The following MROH9 variants were observed in gnomAD, a reference collection of about 807,000 sequenced individuals.
MROH9 encodes the protein maestro heat like repeat family member 9, also known as maestro heat-like repeat-containing protein family member 9.
Under a neutral mutation model 98.2 loss-of-function variants are expected in MROH9, and 92 were observed. The observed-to-expected ratio is 0.94, with a 90% CI of 0.79 to 1.11. The LOEUF (loss-of-function observed/expected upper bound fraction) is 1.11, where lower values mean the gene tolerates loss of function less well. Among genes scored for constraint, MROH9 ranks in the 50% most tolerant of loss-of-function variants. The pLI is 0.00. For missense variants in MROH9, 1,057 were observed against 1,014.8 expected, an observed-to-expected ratio of 1.04 and a Z score of -0.57; for synonymous variants, 397 against 368.9, an observed-to-expected ratio of 1.08 and a Z score of -0.87.
intron 17 of MROH9, among the ~76,000 whole-genome samples, chr1:171,020,188 A>G (rs1379522938): frequency 7.9e-6 from 1 of 126,156 alleles, no homozygotes; most frequent in Non-Finnish European, 1.9e-5. Context: ...TAGACATACA[A>G]AGAGGAGCTG....
At chr1:171,012,499 A>ATTTT (rs372676922) in intron 15 of MROH9, among the ~76,000 whole-genome samples, 16 of 114,206 alleles carry the variant, frequency 1.4e-4, no homozygotes, top group African/African-American at 4.6e-4. Context: ...TAAAACTGTC[A>ATTTT]TTTTTTTTTT....
intron 20 of MROH9, among the ~76,000 whole-genome samples, chr1:171,031,179 T>A (rs951933936): frequency 3.9e-5 from 6 of 152,242 alleles, no homozygotes; most frequent in African/African-American, 1.4e-4. Flanking sequence ...TATGTGTGTC[T>A]TTGCACATTA....
chr1:171,030,785 G>A (rs1652879976), intron 20 of MROH9, among the ~76,000 whole-genome samples: 1 of 152,198 alleles, frequency 6.6e-6, no homozygotes, highest in Non-Finnish European at 1.5e-5. Flanking sequence ...GGAGAGTTCT[G>A]CATATGTCTA....
At chr1:171,040,500 T>C (rs1223220429) in intron 20 of MROH9, among the ~76,000 whole-genome samples, 1 of 152,146 alleles carries the variant, frequency 6.6e-6, no homozygotes, top group African/African-American at 2.4e-5. Flanking sequence ...GCTAGGTATA[T>C]GTATATCAAA....
intron 19 of MROH9, among the ~76,000 whole-genome samples, 157 bp downstream of exon 19, chr1:171,024,922 C>T (rs980496837): frequency 2.6e-5 from 4 of 152,178 alleles, no homozygotes; most frequent in Middle Eastern, 3.4e-3. Flanking sequence ...GAGCTTGAGC[C>T]GAGAGGAATT....
chr1:170,952,461 G>A lies in MROH9; in HGVS notation c.72+4888G>A, dbSNP rs990568624. Among the ~76,000 whole-genome samples the A allele has an allele frequency of 8.7e-4, 132 of 152,120 alleles. 1 individual carries two copies. The highest frequency in any genetic ancestry group is 3.0e-3 in the African/African-American group (123 of 41,522). On this transcript the variant is annotated intron_variant, in intron 3 of 21. Coordinates refer to ENST00000367759, the MANE Select transcript of MROH9 (RefSeq NM_001163629.2). ...TCATGTCCTTTGTGGGGACATGGAT[G>A]AAGCTGGAAACCATCATTCTCAGCA...
intron 8 of MROH9, among the ~76,000 whole-genome samples, chr1:170,972,095 A>G (rs1262866915): frequency 6.6e-6 from 1 of 152,184 alleles, no homozygotes; most frequent in East Asian, 1.9e-4. Context: ...TTTATAAAGT[A>G]CTGTGCTTAG....
At chr1:170,963,152 T>C (rs1650091737) in intron 6 of MROH9, among the ~76,000 whole-genome samples, 1 of 151,356 alleles carries the variant, frequency 6.6e-6, no homozygotes, top group South Asian at 2.1e-4. Context: ...AAAAACTCCA[T>C]TACAAAGTGG....
intron 2 of MROH9, 91 bp downstream of exon 2, chr1:170,945,672 A>G (rs1649302801): frequency 8.2e-6 from 9 of 1,102,916 alleles, no homozygotes; most frequent in Non-Finnish European, 1.2e-5. Flanking sequence ...AAACCTATAC[A>G]TCATTCTGTA....
intron 20 of MROH9, among the ~76,000 whole-genome samples, chr1:171,038,468 A>G (rs1174597754): frequency 1.3e-5 from 2 of 152,186 alleles, no homozygotes; most frequent in Non-Finnish European, 2.9e-5. Context: ...TGTGAAATGC[A>G]TATTCTTTTG....
Position 170,977,301 on chromosome 1 carries a change from C to A in MROH9, c.616+5418C>A, listed in dbSNP as rs562109217. On this transcript the variant is annotated intron_variant, in intron 8 of 21. Transcript: ENST00000367759. ...AGAACTATTTCAGCCATCTGGAGGA[C>A]ACAAGACACTCTAGCTATTTGAGTT... is the stretch of plus-strand genomic sequence containing the variant. Among the ~76,000 whole-genome samples, 19 of 152,324 alleles carry A rather than the reference C, an allele frequency of 1.2e-4. No homozygotes were observed. The South Asian group carries it at 3.9e-3, about 32-fold the overall frequency.
At chr1:171,004,440 C>T (rs1651885147) in intron 15 of MROH9, among the ~76,000 whole-genome samples, 1 of 152,166 alleles carries the variant, frequency 6.6e-6, no homozygotes, top group East Asian at 1.9e-4. Flanking sequence ...CTTCCCCTAC[C>T]CCTGTATTTC....
intron 8 of MROH9, among the ~76,000 whole-genome samples, chr1:170,972,827 A>AAT (rs1557879927): frequency 2.0e-5 from 2 of 99,430 alleles, no homozygotes; most frequent in African/African-American, 3.8e-5. Context: ...AAAAAAAAAA[A>AAT]ATACACACAC....
At position 170,986,697 on chromosome 1, in the gene MROH9, A is replaced by C. The variant is rs755457248; in HGVS notation, c.866A>C (p.Glu289Ala). The change falls in exon 10 of 22, where the codon GAG becomes GCG. Residue 289 changes from glutamate to alanine, a missense_variant. Transcript: ENST00000367759. Reference sequence around the variant, plus strand: ...ATATTTACTCTGGAATTTCATGCCGAGAAGGTCACCATGGTAAGATACTTG... The same window carrying C: ...ATATTTACTCTGGAATTTCATGCCGCGAAGGTCACCATGGTAAGATACTTG... ...ILIFTLEFHA[E>A]KVTMVSKIVD... 1 of 1,613,806 alleles carries C rather than the reference A, an allele frequency of 6.2e-7. No individual in the cohort carries two copies. The highest frequency in any genetic ancestry group is 1.7e-4 in the Middle Eastern group (1 of 6,056).
chr1:170,997,532 G>A (rs1400008764), intron 14 of MROH9, among the ~76,000 whole-genome samples: 1 of 152,090 alleles, frequency 6.6e-6, no homozygotes, highest in East Asian at 1.9e-4. Flanking sequence ...CTGTTTGCAC[G>A]TTGCAGTTTG....
intron 15 of MROH9, among the ~76,000 whole-genome samples, chr1:171,000,255 G>C (rs1461683748): frequency 1.3e-5 from 2 of 151,846 alleles, no homozygotes; most frequent in Non-Finnish European, 2.9e-5. Flanking sequence ...TGAAATCCTT[G>C]TCTAAGCCAA....
At chr1:171,018,839 C>T (rs1291075811) in intron 17 of MROH9, among the ~76,000 whole-genome samples, 1 of 152,076 alleles carries the variant, frequency 6.6e-6, no homozygotes, top group Non-Finnish European at 1.5e-5. Flanking sequence ...ATCAGGCATG[C>T]AGACAATATT....
At chr1:170,997,173 G>T (rs979662670) in intron 14 of MROH9, among the ~76,000 whole-genome samples, 6 of 152,090 alleles carry the variant, frequency 3.9e-5, no homozygotes, top group African/African-American at 1.4e-4. Context: ...CAAAATACGG[G>T]CTGTTGACAA....
intron 3 of MROH9, among the ~76,000 whole-genome samples, chr1:170,949,655 A>G (rs1352701507): frequency 6.6e-6 from 1 of 152,018 alleles, no homozygotes; most frequent in Non-Finnish European, 1.5e-5. Context: ...AAACCAAAAC[A>G]CAGCACAGTG....
Sources: allele counts gnomAD v4.1 joint callset (sites outside exome capture counted in the v4.1 genomes callset), GRCh38; gene constraint gnomAD v4.1.1; transcripts MANE v1.5; gene names NCBI Gene and HGNC (gene_info 2026-07-23, HGNC 2026-07-21).